DNAI2: variants seen among roughly 807,000 people sequenced by gnomAD.
DNAI2 encodes the protein dynein axonemal intermediate chain 2, also known as dynein, axonemal, intermediate polypeptide 2.
A neutral mutation model predicts 74.7 loss-of-function variants in DNAI2; 63 were observed. The observed-to-expected ratio is 0.84, with a 90% CI of 0.69 to 1.04. DNAI2 has a LOEUF of 1.04. Among genes scored for constraint, DNAI2 ranks in the 50% least tolerant of loss-of-function variants. The pLI, the probability that DNAI2 is intolerant of heterozygous loss-of-function variation, is 0.00. For missense variants in DNAI2, 688 were observed against 803.2 expected (o/e 0.86, Z 1.73); for synonymous variants, 289 against 314.9 (o/e 0.92, Z 0.87).
chr17:74,300,685 G>A lies in DNAI2; in HGVS notation c.865-361G>A, dbSNP rs1391361732. 6.6e-6 allele frequency among the ~76,000 whole-genome samples: 1 copy of A among 152,184 alleles called. No individual in the cohort carries two copies. The highest frequency in any genetic ancestry group is 1.5e-5 in the Non-Finnish European group (1 of 68,038). ...TCTACAGCAGACATTGCTGGCAGTG[G>A]GACTTCTAGGTCGGAGCACACATGC... On this transcript the variant is annotated intron_variant, in intron 7 of 13. Transcript: ENST00000311014. The surrounding 1 kb of genome is among the most constrained non-coding windows in gnomAD (Gnocchi z 4.5).
intron 1 of DNAI2, among the ~76,000 whole-genome samples, chr17:74,276,299 G>A (rs184724341): frequency 9.2e-5 from 14 of 152,282 alleles, no homozygotes; most frequent in African/African-American, 3.1e-4. Context: ...GGACCACAGC[G>A]TCCCTGATTC....
At chr17:74,286,281 G>A (rs889773239) in intron 3 of DNAI2, among the ~76,000 whole-genome samples, 6 of 135,648 alleles carry the variant, frequency 4.4e-5, no homozygotes, top group African/African-American at 1.6e-4. Context: ...GGGCAGCAGA[G>A]CAAGACTGTG....
At position 74,314,671 on chromosome 17, in the gene DNAI2, C is replaced by T; in HGVS notation, c.*138C>T. On this transcript the variant is annotated 3_prime_UTR_variant, in exon 14 of 14. Coordinates refer to ENST00000311014, the MANE Select transcript of DNAI2 (RefSeq NM_023036.6). ...GGAAGGGTTTCTCCTCCATGATCGACCCTCCTCGTCCACCTACAAATCAGG... is the reference window on the plus strand; with the variant it reads ...GGAAGGGTTTCTCCTCCATGATCGATCCTCCTCGTCCACCTACAAATCAGG... The T allele has an allele frequency of 4.4e-6, 1 of 225,854 alleles. No homozygotes were observed. Among genetic ancestry groups the T allele is most frequent in the Non-Finnish European group, 9.1e-6 (1 of 110,476 alleles). The allele number at this position is 225,854 out of a possible 1,614,324, so 14.0% of individuals were successfully genotyped here.
At chr17:74,307,370 G>A (rs1279602904) in intron 9 of DNAI2, 2 of 453,678 alleles carry the variant, frequency 4.4e-6, no homozygotes, top group East Asian at 1.4e-4. Flanking sequence ...TAGCAAATAA[G>A]AATATTTGAC....
intron 4 of DNAI2, 104 bp downstream of exon 4, chr17:74,287,202 A>G: frequency 6.6e-7 from 1 of 1,507,542 alleles, no homozygotes; most frequent in African/African-American, 1.4e-5. Context: ...TGGGTGCAGC[A>G]CTGTCTGTGC....
chr17:74,276,968 T>C (rs9900615), intron 1 of DNAI2, among the ~76,000 whole-genome samples: 35,738 of 152,144 alleles, frequency 0.23, 5,536 homozygotes, highest in African/African-American at 0.44. Context: ...CACAAGGCCG[T>C]AGCTTTGTCC....
At position 74,287,035 on chromosome 17, in the gene DNAI2, A is replaced by G. The variant is rs748855872; in HGVS notation, c.404A>G (p.Asn135Ser). ...ATTGACATCTATGAAGAGTATTTCAATGACGAGGAGGCCATGGAAGTGATG... is the reference window on the plus strand; with the variant it reads ...ATTGACATCTATGAAGAGTATTTCAGTGACGAGGAGGCCATGGAAGTGATG... Reference protein sequence around the residue: ...NAIDIYEEYFNDEEAMEVMEE... With the variant: ...NAIDIYEEYFSDEEAMEVMEE... Residue 135 changes from asparagine to serine, a missense_variant, in exon 4 of 14, where the codon AAT (asparagine) becomes AGT (serine). By Grantham distance (46) the Asn-to-Ser change is conservative. Transcript: ENST00000311014. 48 of 1,613,820 alleles carry G rather than the reference A, an allele frequency of 3.0e-5. No individual in the cohort carries two copies. Among genetic ancestry groups the G allele is most frequent in the African/African-American group, 5.3e-5 (4 of 74,924 alleles).
rs35732837 is a variant in DNAI2 at position 74,309,977 on chromosome 17, CCT to C, written c.1348-34_1348-33del. ...TTAATCAGACACACATAACTTTGCT[CCT>C]CTCTCCTCTACCTGGGTCTGCCCGG... On this transcript the variant is annotated intron_variant, in intron 10 of 13. Coordinates refer to ENST00000311014, the MANE Select transcript of DNAI2 (RefSeq NM_023036.6). 1,449,865 of 1,612,936 alleles carry C rather than the reference CCT, an allele frequency of 0.9. 661,008 individuals are homozygous for C. Among genetic ancestry groups the C allele is most frequent in the Non-Finnish European group, 0.93 (1,096,607 of 1,179,858 alleles).
intron 1 of DNAI2, 142 bp from the exon 2 acceptor site, chr17:74,281,665 G>C: frequency 1.3e-6 from 1 of 748,912 alleles, no homozygotes; most frequent in Non-Finnish European, 2.2e-6. Flanking sequence ...GCAGCTTCTG[G>C]ACAAATTCCT....
chr17:74,281,157 G>A (rs2051368665), intron 1 of DNAI2, among the ~76,000 whole-genome samples: 1 of 151,392 alleles, frequency 6.6e-6, no homozygotes, highest in African/African-American at 2.4e-5. Flanking sequence ...TAAGAGCTTT[G>A]GAATGGGGGC....
intron 2 of DNAI2, among the ~76,000 whole-genome samples, chr17:74,283,026 C>G (rs928930335): frequency 6.6e-6 from 1 of 152,200 alleles, no homozygotes; most frequent in African/African-American, 2.4e-5. Context: ...CCTGTCGTTT[C>G]CAGCAGCTCT....
intron 1 of DNAI2, among the ~76,000 whole-genome samples, chr17:74,278,999 C>T (rs1157396311): frequency 6.6e-6 from 1 of 152,108 alleles, no homozygotes; most frequent in African/African-American, 2.4e-5. Flanking sequence ...AACCCCATCT[C>T]TACTAAAAAT....
In DNAI2 at chr17:74,314,160, G is replaced by T; in HGVS notation, c.1762G>T (p.Gly588Ter). ...AGAAGAAGACCAGGTGGTGGAGGAGGGAGAGGAAGCAGCGGGGGAAGAAGG... is the reference window on the plus strand; with the variant it reads ...AGAAGAAGACCAGGTGGTGGAGGAGTGAGAGGAAGCAGCGGGGGAAGAAGG... ...SPEEDQVVEE[G>*]EEAAGEEGDE... is the part of the protein sequence containing the mutation. Residue 588 changes from glycine (G) to a stop codon, truncating the protein, a stop_gained, in exon 13 of 14, where the codon GGA (glycine) becomes TGA (stop). Coordinates refer to ENST00000311014, the MANE Select transcript of DNAI2 (RefSeq NM_023036.6). LOFTEE classifies it high-confidence loss of function. The T allele has an allele frequency of 6.2e-7, 1 of 1,614,202 alleles. No individual in the cohort carries two copies. Among genetic ancestry groups the T allele is most frequent in the Non-Finnish European group, 8.5e-7 (1 of 1,180,014 alleles).
chr17:74,304,186 C>CTTTTTTTTTTTTTTTTTT (rs56696514), intron 8 of DNAI2, among the ~76,000 whole-genome samples: 11 of 67,644 alleles, frequency 1.6e-4, no homozygotes, highest in South Asian at 7.8e-4. Context: ...TTTCTTTTTT[C>CTTTTTTTTTTTTTTTTTT]TTTTTTTTTT....
At chr17:74,309,870 G>A (rs371384338) in intron 10 of DNAI2, 147 bp from the exon 11 acceptor site, 14 of 1,047,686 alleles carry the variant, frequency 1.3e-5, no homozygotes, top group Admixed American at 1.9e-5. Flanking sequence ...ACCAGTCTCC[G>A]AGTTTGAACT....
chr17:74,312,272 G>A (rs750005900), intron 12 of DNAI2, 42 bp downstream of exon 12: 10 of 520,666 alleles, frequency 1.9e-5, no homozygotes, highest in Non-Finnish European at 3.5e-5. Context: ...GGGACTGGGC[G>A]GGACACATGG....
intron 11 of DNAI2, among the ~76,000 whole-genome samples, chr17:74,311,171 G>A (rs1170177063): frequency 6.6e-6 from 1 of 152,212 alleles, no homozygotes; most frequent in African/African-American, 2.4e-5. Flanking sequence ...ACCACGCCCA[G>A]CCTGAAGACT....
intron 11 of DNAI2, among the ~76,000 whole-genome samples, 169 bp from the exon 12 acceptor site, chr17:74,311,834 A>G (rs1352088246): frequency 1.3e-5 from 2 of 152,124 alleles, no homozygotes; most frequent in Admixed American, 6.5e-5. Flanking sequence ...TCCAACCCCA[A>G]TATTCAGCCC....
intron 11 of DNAI2, among the ~76,000 whole-genome samples, chr17:74,310,769 C>T (rs2053478985): frequency 6.6e-6 from 1 of 152,018 alleles, no homozygotes; most frequent in Non-Finnish European, 1.5e-5. Flanking sequence ...GAACTCTTGA[C>T]CTTAAGATGA....
Sources: allele counts gnomAD v4.1 joint callset (sites outside exome capture counted in the v4.1 genomes callset), GRCh38; gene constraint gnomAD v4.1.1; non-coding constraint Gnocchi (gnomAD v3.1); transcripts MANE v1.5; gene names NCBI Gene and HGNC (gene_info 2026-07-23, HGNC 2026-07-21).